Variants in HS6ST3 observed in about 807,000 individuals in gnomAD.
HS6ST3 encodes the protein heparan-sulfate 6-O-sulfotransferase 3.
HS6ST3 carries 12 observed loss-of-function variants against 36.7 expected under a neutral mutation model. The ratio of observed to expected loss-of-function variants is 0.33; its 90% confidence interval spans 0.21 to 0.53. The LOEUF (loss-of-function observed/expected upper bound fraction) is 0.53. Among genes scored for constraint, HS6ST3 ranks in the 20% least tolerant of loss-of-function variants. The pLI is 0.95. For missense variants in HS6ST3, 584 were observed against 640.9 expected, an observed-to-expected ratio of 0.91 and a Z score of 0.96; for synonymous variants, 240 against 257.5, an observed-to-expected ratio of 0.93 and a Z score of 0.65.
chr13:96,689,556 T>G (rs2138443832), intron 1 of HS6ST3, among the ~76,000 whole-genome samples: 1 of 151,798 alleles, frequency 6.6e-6, no homozygotes, highest in East Asian at 1.9e-4. Context: ...AATTGGTTGC[T>G]TAGTCGTCAG....
chr13:96,134,622 C>T (rs1390915147), intron 1 of HS6ST3, among the ~76,000 whole-genome samples: 2 of 152,178 alleles, frequency 1.3e-5, no homozygotes, highest in East Asian at 1.9e-4. Context: ...CTGATATATT[C>T]CATTTCTTTA....
In HS6ST3 at chr13:96,835,680, A is replaced by C. The variant is rs1462101423; in HGVS notation, c.*2482A>C. ...ATGTGGAAAATCAAAACAAGTTAGA[A>C]AGCATTCAGATTGTTTCTTTTAAAC... On this transcript the variant is annotated 3_prime_UTR_variant, in exon 2 of 2. Transcript: ENST00000376705. 2 of 152,176 alleles carry C rather than the reference A, an allele frequency of 1.3e-5. No homozygotes were observed. Among genetic ancestry groups the C allele is most frequent in the African/African-American group, 2.4e-5 (1 of 41,422 alleles). 9.4% of individuals were successfully genotyped at this position (152,176 alleles called of 1,614,324 possible). A position where few individuals can be genotyped will look rare whatever the true frequency, so the allele number is the denominator to read the frequency against.
At chr13:96,624,154 G>T (rs1375629899) in intron 1 of HS6ST3, among the ~76,000 whole-genome samples, 2 of 152,014 alleles carry the variant, frequency 1.3e-5, no homozygotes, top group Non-Finnish European at 2.9e-5. Flanking sequence ...TACATGTACA[G>T]GTGTGTGTAT....
intron 1 of HS6ST3, among the ~76,000 whole-genome samples, chr13:96,465,640 C>T (rs917933346): frequency 2.0e-5 from 3 of 152,036 alleles, no homozygotes; most frequent in Admixed American, 6.6e-5. Context: ...ATGGCGTGAT[C>T]GTGGATGGAG....
chr13:96,120,645 A>AT (rs916385407), intron 1 of HS6ST3, among the ~76,000 whole-genome samples: 2 of 151,884 alleles, frequency 1.3e-5, no homozygotes, highest in African/African-American at 4.8e-5. Flanking sequence ...AAATCTATGA[A>AT]TTTTTTTTGA....
At chr13:96,464,581 T>C (rs2055802862) in intron 1 of HS6ST3, among the ~76,000 whole-genome samples, 1 of 151,998 alleles carries the variant, frequency 6.6e-6, no homozygotes, top group African/African-American at 2.4e-5. Context: ...AACTTACTTA[T>C]ATAAGTAAAA....
At chr13:96,377,316 G>A (rs1295272088) in intron 1 of HS6ST3, among the ~76,000 whole-genome samples, 1 of 151,748 alleles carries the variant, frequency 6.6e-6, no homozygotes, top group Non-Finnish European at 1.5e-5. Context: ...TCACACCACT[G>A]CACTTCAGCC....
chr13:96,247,350 G>A (rs919933754), intron 1 of HS6ST3, among the ~76,000 whole-genome samples: 1 of 152,094 alleles, frequency 6.6e-6, no homozygotes, highest in East Asian at 1.9e-4. Context: ...TAATCCCCAC[G>A]TGTCAAGGGA....
chr13:96,663,791 G>A (rs1281927375), intron 1 of HS6ST3, among the ~76,000 whole-genome samples: 1 of 152,012 alleles, frequency 6.6e-6, no homozygotes, highest in African/African-American at 2.4e-5. Context: ...AATGCTCTTT[G>A]GCAATAAAAA....
chr13:96,785,059 C>T (rs900958165), intron 1 of HS6ST3, among the ~76,000 whole-genome samples: 1 of 152,066 alleles, frequency 6.6e-6, no homozygotes, highest in African/African-American at 2.4e-5. Flanking sequence ...ATCCCAGCTA[C>T]TAGAGAGACT....
chr13:96,527,376 A>G (rs1040833478), intron 1 of HS6ST3, among the ~76,000 whole-genome samples: 1 of 152,222 alleles, frequency 6.6e-6, no homozygotes, highest in Non-Finnish European at 1.5e-5. Flanking sequence ...GATAATAAGT[A>G]TTTATTGAGT....
At chr13:96,755,220 T>C (rs867755387) in intron 1 of HS6ST3, among the ~76,000 whole-genome samples, 2 of 152,326 alleles carry the variant, frequency 1.3e-5, no homozygotes, top group Middle Eastern at 6.8e-3. Context: ...ATTAGTTTTA[T>C]CTATTCATGA....
intron 1 of HS6ST3, among the ~76,000 whole-genome samples, chr13:96,307,570 CT>C (rs1566318887): frequency 6.6e-6 from 1 of 151,494 alleles, no homozygotes; most frequent in African/African-American, 2.4e-5. Context: ...TAATTTTTTT[CT>C]TTTTATTGAT....
At chr13:96,292,537 A>G (rs1305995728) in intron 1 of HS6ST3, among the ~76,000 whole-genome samples, 1 of 152,104 alleles carries the variant, frequency 6.6e-6, no homozygotes, top group Non-Finnish European at 1.5e-5. Flanking sequence ...AAATGGATTA[A>G]TTTTCAAATT....
chr13:96,510,549 G>A (rs569298189), intron 1 of HS6ST3, among the ~76,000 whole-genome samples: 128 of 152,018 alleles, frequency 8.4e-4, no homozygotes, highest in Non-Finnish European at 1.6e-3. Context: ...TCTAATGGGG[G>A]TGGCAGAGGA....
At chr13:96,540,459 T>C (rs2056173549) in intron 1 of HS6ST3, among the ~76,000 whole-genome samples, 1 of 150,658 alleles carries the variant, frequency 6.6e-6, no homozygotes, top group Non-Finnish European at 1.5e-5. Flanking sequence ...CCATTTTATC[T>C]ACAAAATTAT....
At chr13:96,205,812 C>T (rs948300778) in intron 1 of HS6ST3, among the ~76,000 whole-genome samples, 8 of 151,990 alleles carry the variant, frequency 5.3e-5, no homozygotes, top group Non-Finnish European at 1.0e-4. Flanking sequence ...AAGAACATAC[C>T]TCAAAATATT....
At chr13:96,219,309 C>T (rs140869792) in intron 1 of HS6ST3, among the ~76,000 whole-genome samples, 384 of 152,308 alleles carry the variant, frequency 2.5e-3, no homozygotes, top group Non-Finnish European at 3.8e-3. Context: ...ACCTCACCTA[C>T]TTCTCATTTA....
intron 1 of HS6ST3, among the ~76,000 whole-genome samples, chr13:96,708,410 T>A (rs963271084): frequency 1.3e-5 from 2 of 152,164 alleles, no homozygotes; most frequent in African/African-American, 4.8e-5. Flanking sequence ...AATACCCCAA[T>A]CTCTTTCTCT....
Sources: gnomAD v4.1 joint callset for allele counts (sites outside exome capture counted in the v4.1 genomes callset) on GRCh38, gnomAD v4.1.1 for gene constraint, MANE v1.5 for transcripts, NCBI Gene and HGNC (gene_info 2026-07-23, HGNC 2026-07-21) for gene names.